Variants in TTC16 observed in about 807,000 individuals in gnomAD.
TTC16 encodes tetratricopeptide repeat protein 16.
TTC16 carries 66 observed loss-of-function variants against 80.4 expected under a neutral mutation model. The ratio of observed to expected loss-of-function variants is 0.82; its 90% confidence interval spans 0.67 to 1.01. The LOEUF is 1.01. TTC16 is among the 50% of genes least tolerant of loss of function. The pLI is 0.00. For synonymous variants in TTC16, 438 were observed against 451.3 expected (o/e 0.97, Z 0.37); for missense variants, 1,070 against 1,103.2 (o/e 0.97, Z 0.43).
In TTC16 at chr9:127,727,033, A is replaced by G. The variant is rs1844035264; in HGVS notation, c.1489A>G (p.Ile497Val). Residue 497 changes from isoleucine (I) to valine (V), a missense_variant, in exon 11 of 14, where the codon ATA (isoleucine) becomes GTA (valine). Physicochemically the swap from Ile to Val is conservative, Grantham distance 29. Transcript: ENST00000373289. The part of the protein sequence containing the change: ...MSVEEVLSTQ[I>V]AHLARLQLEQ... The stretch of plus-strand genomic sequence containing the variant: ...GGTGGAGGAGGTGCTTAGCACCCAG[A>G]TAGCCCACCTGGCCAGGCTGCAGCT... 2 of 1,612,616 alleles carry G rather than the reference A, an allele frequency of 1.2e-6. No homozygotes were observed. The highest frequency in any genetic ancestry group is 3.3e-5 in the Admixed American group (2 of 60,002).
chr9:127,729,414 G>A, intron 12 of TTC16, 167 bp from the exon 13 acceptor site: 2 of 591,008 alleles, frequency 3.4e-6, no homozygotes, highest in Admixed American at 3.0e-5. Context: ...TCCCCTTCCT[G>A]CCAGGCTTAG....
At chr9:127,721,881 G>A (rs1371357765) in intron 6 of TTC16, among the ~76,000 whole-genome samples, 1 of 151,978 alleles carries the variant, frequency 6.6e-6, no homozygotes, top group Admixed American at 6.6e-5. Context: ...TTTTAGGAGA[G>A]ACAAGGTTTC....
Position 127,724,114 on chromosome 9 carries a change from C to CG in TTC16, c.873-5dup, listed in dbSNP as rs397957944. 3.2e-5 allele frequency: 51 copies of CG among 1,600,140 alleles called. No individual in the cohort carries two copies. Among genetic ancestry groups the CG allele is most frequent in the South Asian group, 1.3e-4 (12 of 89,492 alleles). On this transcript the variant is annotated splice_polypyrimidine_tract_variant and splice_region_variant and intron_variant, in intron 7 of 13. Coordinates refer to ENST00000373289, the MANE Select transcript of TTC16 (RefSeq NM_144965.3). ...CTCCTGCCGTCTCCCACGCCCCCCC[C>CG]GACAGGGGCACCATGTACCGACGGC...
At position 127,727,520 on chromosome 9, in the gene TTC16, C is replaced by T. The variant is rs1336236327; in HGVS notation, c.1764+55C>T. 8.4e-6 allele frequency: 13 copies of T among 1,538,570 alleles called. No individual in the cohort carries two copies. The Admixed American group carries it at 1.8e-4, about 21-fold the overall frequency. On this transcript the variant is annotated intron_variant, in intron 12 of 13. Transcript: ENST00000373289. ...CCCTTGGGGTCTGGGGCACAGCGTA[C>T]CCCAGCCCAGGGCTGAAGGATGCAG...
chr9:127,727,473 G>A lies in TTC16; in HGVS notation c.1764+8G>A, dbSNP rs769241110. ...GAGAAGGAGAAAAAAGAGGTAAGTGGAGTACAGGCCAGGGCTCGGAGCCCT... is the reference window on the plus strand; with the variant it reads ...GAGAAGGAGAAAAAAGAGGTAAGTGAAGTACAGGCCAGGGCTCGGAGCCCT... On this transcript the variant is annotated splice_region_variant and intron_variant, in intron 12 of 13. Coordinates refer to ENST00000373289, the MANE Select transcript of TTC16 (RefSeq NM_144965.3). 6.4e-7 allele frequency: 1 copy of A among 1,558,150 alleles called. No homozygotes were observed. The highest frequency in any genetic ancestry group is 8.7e-7 in the Non-Finnish European group (1 of 1,151,006).
intron 9 of TTC16, among the ~76,000 whole-genome samples, chr9:127,725,116 A>T (rs905170891): frequency 3.9e-5 from 6 of 152,338 alleles, no homozygotes; most frequent in Admixed American, 3.9e-4. Flanking sequence ...ATATAAAAAA[A>T]TTTAAAAATT....
chr9:127,724,061 C>A, intron 7 of TTC16, 59 bp from the exon 8 acceptor site: 3 of 1,478,786 alleles, frequency 2.0e-6, no homozygotes, highest in South Asian at 2.8e-5. Flanking sequence ...ACTAGCCAGT[C>A]GGTGGGGGTG....
rs752229879 is a variant in TTC16 at position 127,727,376 on chromosome 9, C to G, written c.1675C>G (p.Pro559Ala). The change falls in exon 12 of 14, where the codon CCT (proline) becomes GCT (alanine). Residue 559 changes from proline (P) to alanine (A), a missense_variant. Pro to Ala is a conservative substitution (Grantham distance 27). Coordinates refer to ENST00000373289, the MANE Select transcript of TTC16 (RefSeq NM_144965.3). ...IATSEELKAT[P>A]EIPQVKPGSS... ...GACCTCCGAGGAGCTGAAGGCCACC[C>G]CTGAGATTCCGCAGGTAAAACCGGG... 2 of 1,611,250 alleles carry G rather than the reference C, an allele frequency of 1.2e-6. No individual in the cohort carries two copies. Among genetic ancestry groups the G allele is most frequent in the Non-Finnish European group, 1.7e-6 (2 of 1,178,772 alleles).
Position 127,720,124 on chromosome 9 carries a change from T to G in TTC16, c.473T>G (p.Val158Gly). Residue 158 changes from valine (V) to glycine (G), a missense_variant, in exon 5 of 14, where the codon GTC (valine) becomes GGC (glycine). Physicochemically the swap from Val to Gly is moderately radical, Grantham distance 109 (BLOSUM62 -3). Transcript: ENST00000373289. Reference protein sequence around the residue: ...EQCAFLDALNVFSHAAELQPE... With the variant: ...EQCAFLDALNGFSHAAELQPE... ...TGTGCCTTCCTGGATGCCCTGAATG[T>G]CTTCTCACATGCTGCTGAGCTCCAG... 6.2e-7 allele frequency: 1 copy of G among 1,613,904 alleles called. No homozygotes were observed. Among genetic ancestry groups the G allele is most frequent in the South Asian group, 1.1e-5 (1 of 91,086 alleles).
Position 127,716,894 on chromosome 9 carries a change from G to C in TTC16, c.69G>C (p.Trp23Cys), listed in dbSNP as rs1170933803. 4 of 1,613,934 alleles carry C rather than the reference G, an allele frequency of 2.5e-6. No individual in the cohort carries two copies. Among genetic ancestry groups the C allele is most frequent in the Non-Finnish European group, 3.4e-6 (4 of 1,179,976 alleles). Residue 23 changes from tryptophan (W) to cysteine (C), a missense_variant, in exon 2 of 14, where the codon TGG becomes TGC. Coordinates refer to ENST00000373289, the MANE Select transcript of TTC16 (RefSeq NM_144965.3). ...QGPSRDIPKP[W>C]VIPAPKGILQ... ...CCTCACGGGACATCCCAAAGCCATG[G>C]GTGATTCCAGCCCCCAAAGGGATCC...
At position 127,724,250 on chromosome 9, in the gene TTC16, A is replaced by G. The variant is rs529187855; in HGVS notation, c.1003A>G (p.Asn335Asp). 2.7e-4 allele frequency: 439 copies of G among 1,613,004 alleles called. 1 individual carries two copies. The South Asian group carries it at 4.6e-3, about 17-fold the overall frequency. Residue 335 changes from asparagine (N) to aspartate (D), a missense_variant, in exon 8 of 14, where the codon AAC (asparagine) becomes GAC (aspartate). Physicochemically the swap from Asn to Asp is conservative, Grantham distance 23. Coordinates refer to ENST00000373289, the MANE Select transcript of TTC16 (RefSeq NM_144965.3). ...ACAGCGCCAGCTGTTGCTGACCTACAACGACTTTGCCGTGCACTGCTACAG... is the reference window on the plus strand; with the variant it reads ...ACAGCGCCAGCTGTTGCTGACCTACGACGACTTTGCCGTGCACTGCTACAG... ...QAQRQLLLTY[N>D]DFAVHCYRQG...
Position 127,724,365 on chromosome 9 carries a change from G to A in TTC16, c.1117+1G>A. On this transcript the variant is annotated splice_donor_variant, in intron 8 of 13. Coordinates refer to ENST00000373289, the MANE Select transcript of TTC16 (RefSeq NM_144965.3). LOFTEE classifies it high-confidence loss of function. ...AAAGGACTCTACATCAACCGAGGCG[G>A]TGCGCAGCGACCAGGGCACTGGGGA... The A allele has an allele frequency of 6.2e-7, 1 of 1,612,140 alleles. No individual in the cohort carries two copies. The highest frequency in any genetic ancestry group is 8.5e-7 in the Non-Finnish European group (1 of 1,179,650).
chr9:127,725,224 G>A (rs1398279431), intron 9 of TTC16, among the ~76,000 whole-genome samples: 1 of 152,010 alleles, frequency 6.6e-6, no homozygotes, highest in Non-Finnish European at 1.5e-5. Flanking sequence ...CAGTTAGCCA[G>A]GATTGCGCCA....
chr9:127,724,108 C>T lies in TTC16; in HGVS notation c.873-12C>T, dbSNP rs554177345. 11 of 1,596,052 alleles carry T rather than the reference C, an allele frequency of 6.9e-6. No homozygotes were observed. The highest frequency in any genetic ancestry group is 4.0e-5 in the African/African-American group (3 of 74,618). On this transcript the variant is annotated splice_polypyrimidine_tract_variant and intron_variant, in intron 7 of 13. Coordinates refer to ENST00000373289, the MANE Select transcript of TTC16 (RefSeq NM_144965.3). ...ATGTCCCTCCTGCCGTCTCCCACGC[C>T]CCCCCCGACAGGGGCACCATGTACC... is the stretch of plus-strand genomic sequence containing the variant.
At chr9:127,721,750 C>T (rs566581663) in intron 6 of TTC16, among the ~76,000 whole-genome samples, 1 of 152,258 alleles carries the variant, frequency 6.6e-6, no homozygotes, top group East Asian at 1.9e-4. Flanking sequence ...GTCACCTAGG[C>T]TGGAGTGCAG....
Position 127,726,338 on chromosome 9 carries a change from G to A in TTC16, c.1359G>A (p.Leu453=), listed in dbSNP as rs1459842671. The change falls in exon 10 of 14, where the codon CTG becomes CTA. Residue 453 remains leucine (L), a synonymous_variant. Coordinates refer to ENST00000373289, the MANE Select transcript of TTC16 (RefSeq NM_144965.3). The part of the protein sequence containing the change: ...YLYRAKSRQL[L]QNIFGARQDV... ...ACCGGGCCAAGAGCCGGCAGCTGCT[G>A]CAGAACATTTTTGGGGCCCGCCAGG... The A allele has an allele frequency of 2.5e-6, 4 of 1,612,328 alleles. No individual in the cohort carries two copies. Among genetic ancestry groups the A allele is most frequent in the Non-Finnish European group, 1.7e-6 (2 of 1,179,420 alleles).
At chr9:127,717,039 G>A in intron 2 of TTC16, 23 bp downstream of exon 2, 18 of 1,607,422 alleles carry the variant, frequency 1.1e-5, no homozygotes, top group Non-Finnish European at 1.5e-5. Context: ...CTTGCTTTGG[G>A]GTCCCAGGTT....
chr9:127,730,163 G>T (rs1844285485), intron 13 of TTC16: 1 of 227,062 alleles, frequency 4.4e-6, no homozygotes, highest in East Asian at 1.1e-4. Context: ...GGAATGACTG[G>T]CATAGTCCTT....
chr9:127,718,981 G>A lies in TTC16; in HGVS notation c.427-1097G>A, dbSNP rs1843252799. On this transcript the variant is annotated intron_variant, in intron 4 of 13. Coordinates refer to ENST00000373289, the MANE Select transcript of TTC16 (RefSeq NM_144965.3). This position sits in a 1 kb window ranked among gnomAD's most constrained non-coding sequence, Gnocchi z 4.6. Reference sequence around the variant, plus strand: ...TAATCCCAGCACTTTGGGAGGCCGAGTTGGGCGGATCATGAGGTCAGGAGT... The same window carrying A: ...TAATCCCAGCACTTTGGGAGGCCGAATTGGGCGGATCATGAGGTCAGGAGT... 6.6e-6 allele frequency among the ~76,000 whole-genome samples: 1 copy of A among 151,868 alleles called. No homozygotes were observed. The highest frequency in any genetic ancestry group is 1.5e-5 in the Non-Finnish European group (1 of 67,940).
Sources: gnomAD v4.1 joint callset for allele counts (sites outside exome capture counted in the v4.1 genomes callset) on GRCh38, gnomAD v4.1.1 for gene constraint, Gnocchi (gnomAD v3.1) non-coding constraint, MANE v1.5 for transcripts, NCBI Gene and HGNC (gene_info 2026-07-23, HGNC 2026-07-21) for gene names.